The following TMEM117 variants were observed in gnomAD, a reference collection of about 807,000 sequenced individuals.
TMEM117 encodes transmembrane protein 117.
Under a neutral mutation model 52.4 loss-of-function variants are expected in TMEM117, and 27 were observed. The observed-to-expected ratio is 0.51, with a 90% confidence interval of 0.38 to 0.71. The LOEUF (loss-of-function observed/expected upper bound fraction) is 0.71. TMEM117 is among the 30% of genes least tolerant of loss of function. The pLI is 0.00. For missense variants in TMEM117, 556 were observed against 630.5 expected, an observed-to-expected ratio of 0.88 and a Z score of 1.26; for synonymous variants, 215 against 206.3, an observed-to-expected ratio of 1.04 and a Z score of -0.36.
chr12:43,888,861 A>G (rs1944049265), intron 2 of TMEM117, among the ~76,000 whole-genome samples: 1 of 151,774 alleles, frequency 6.6e-6, no homozygotes, highest in African/African-American at 2.4e-5. Context: ...TTAGTTAATT[A>G]TTACAACAAC....
At chr12:43,900,294 A>T (rs17093848) in intron 2 of TMEM117, among the ~76,000 whole-genome samples, 2,083 of 152,280 alleles carry the variant, frequency 0.014, 34 homozygotes, top group African/African-American at 0.048. Context: ...CATTACCCAG[A>T]GGTAGTTTAG....
chr12:43,862,254 T>C (rs1619469), intron 2 of TMEM117, among the ~76,000 whole-genome samples: 151,950 of 152,308 alleles, frequency 1, 75,798 homozygotes, highest in South Asian at 1. Flanking sequence ...CTGCAAGCTC[T>C]GCCTCCAGGA....
intron 2 of TMEM117, among the ~76,000 whole-genome samples, chr12:43,888,213 A>C (rs1363200096): frequency 6.6e-6 from 1 of 152,182 alleles, no homozygotes; most frequent in Admixed American, 6.5e-5. Flanking sequence ...GTATTGTTTC[A>C]AGGATTAAAG....
chr12:44,374,776 G>T (rs1388403370), intron 6 of TMEM117, among the ~76,000 whole-genome samples: 1 of 151,962 alleles, frequency 6.6e-6, no homozygotes, highest in Non-Finnish European at 1.5e-5. Flanking sequence ...AGCTAAATGG[G>T]AGCATTCAAA....
chr12:44,160,837 G>A (rs908963380), intron 4 of TMEM117, among the ~76,000 whole-genome samples: 5 of 152,088 alleles, frequency 3.3e-5, no homozygotes, highest in South Asian at 2.1e-4. Context: ...GCCTTGATCC[G>A]TGTTGATGAT....
At chr12:44,263,197 G>C (rs1401304466) in intron 5 of TMEM117, among the ~76,000 whole-genome samples, 1 of 152,094 alleles carries the variant, frequency 6.6e-6, no homozygotes, top group African/African-American at 2.4e-5. Context: ...AGTTTTCTCA[G>C]AAATCTGCTT....
chr12:44,161,837 G>A (rs1418903940), intron 4 of TMEM117, among the ~76,000 whole-genome samples: 2 of 152,026 alleles, frequency 1.3e-5, no homozygotes, highest in East Asian at 1.9e-4. Context: ...ACATGGATAG[G>A]TGTACCAAGT....
At chr12:43,911,926 G>A (rs1944509939) in intron 2 of TMEM117, among the ~76,000 whole-genome samples, 1 of 139,850 alleles carries the variant, frequency 7.2e-6, no homozygotes, top group Non-Finnish European at 1.6e-5. Flanking sequence ...AACCATTGTG[G>A]AAGTCAGTGT....
intron 2 of TMEM117, among the ~76,000 whole-genome samples, chr12:43,896,890 A>G (rs1381545517): frequency 6.6e-6 from 1 of 152,192 alleles, no homozygotes; most frequent in Admixed American, 6.5e-5. Flanking sequence ...ATAATTTAAT[A>G]TATTTTTGTG....
At chr12:44,228,580 T>A (rs1949893292) in intron 5 of TMEM117, among the ~76,000 whole-genome samples, 2 of 152,122 alleles carry the variant, frequency 1.3e-5, no homozygotes, top group African/African-American at 4.8e-5. Flanking sequence ...TGTGGTGATC[T>A]GAAGAGACCA....
intron 5 of TMEM117, among the ~76,000 whole-genome samples, chr12:44,251,813 G>A (rs189457736): frequency 1.1e-4 from 16 of 152,168 alleles, no homozygotes; most frequent in African/African-American, 2.6e-4. Context: ...AAAGAAATAA[G>A]CAACAAACAA....
the TMEM117 span, among the ~76,000 whole-genome samples, chr12:43,804,923 T>G: frequency 6.6e-6 from 1 of 152,196 alleles, no homozygotes; most frequent in African/African-American, 2.4e-5. Context: ...AAAACCTGCT[T>G]TCATTCTCTA....
intron 3 of TMEM117, among the ~76,000 whole-genome samples, chr12:44,064,673 A>G (rs1376879109): frequency 1.3e-5 from 2 of 152,186 alleles, no homozygotes; most frequent in South Asian, 2.1e-4. Flanking sequence ...CCAATGTGAT[A>G]TGATAAATTT....
intron 5 of TMEM117, among the ~76,000 whole-genome samples, chr12:44,239,545 A>T (rs1950037084): frequency 6.6e-6 from 1 of 152,140 alleles, no homozygotes; most frequent in Admixed American, 6.6e-5. Context: ...AGCGATCTCA[A>T]TATTCATTCA....
chr12:44,160,133 G>A (rs1948878932), intron 4 of TMEM117, among the ~76,000 whole-genome samples: 1 of 152,152 alleles, frequency 6.6e-6, no homozygotes, highest in Non-Finnish European at 1.5e-5. Context: ...TACCGAGAAT[G>A]TGTAGATGTC....
At chr12:43,945,521 C>G (rs1310380334) in intron 3 of TMEM117, among the ~76,000 whole-genome samples, 2 of 152,100 alleles carry the variant, frequency 1.3e-5, no homozygotes, top group Non-Finnish European at 2.9e-5. Flanking sequence ...TGGGATTTCA[C>G]CATGTTGGTT....
intron 4 of TMEM117, among the ~76,000 whole-genome samples, chr12:44,152,467 TA>T (rs1948755016): frequency 8.6e-6 from 1 of 116,520 alleles, no homozygotes; most frequent in African/African-American, 3.6e-5. Context: ...TTTATATCTA[TA>T]ATTATATCAT....
intron 4 of TMEM117, among the ~76,000 whole-genome samples, chr12:44,157,171 T>TA (rs1195322919): frequency 1.3e-5 from 2 of 152,190 alleles, no homozygotes; most frequent in African/African-American, 4.8e-5. Flanking sequence ...TTTCTTCTGA[T>TA]ACCTGCCCAC....
chr12:44,206,817 GGGAGGGTGAGA>G (rs1454761360), intron 4 of TMEM117, among the ~76,000 whole-genome samples: 3 of 152,102 alleles, frequency 2.0e-5, no homozygotes, highest in African/African-American at 2.4e-5. Flanking sequence ...TACTTGAGTG[GGGAGGGTGAGA>G]GGAGGGTGAG....
Sources: allele counts gnomAD v4.1 joint callset (sites outside exome capture counted in the v4.1 genomes callset), GRCh38; gene constraint gnomAD v4.1.1; transcripts MANE v1.5; gene names NCBI Gene and HGNC (gene_info 2026-07-23, HGNC 2026-07-21).